The following FOXK1 variants were observed in gnomAD, a reference collection of about 807,000 sequenced individuals.
FOXK1 encodes forkhead box K1, also known as forkhead box protein K1.
Under a neutral mutation model 51.9 loss-of-function variants are expected in FOXK1, and 19 were observed. The observed-to-expected ratio is 0.37, with a 90% CI of 0.26 to 0.54. The LOEUF is 0.54. Ranked by LOEUF, FOXK1 falls within the 20% of genes least tolerant of loss-of-function variation. FOXK1 has a pLI of 0.87. For missense variants in FOXK1, 870 were observed against 1,032.7 expected (o/e 0.84, Z 2.16); for synonymous variants, 537 against 482.6 (o/e 1.11, Z -1.48).
rs1780340115 is a variant in FOXK1 at position 4,723,433 on chromosome 7, C to T, written c.561-17405C>T. Among the ~76,000 whole-genome samples the T allele has an allele frequency of 6.6e-6, 1 of 151,894 alleles. No individual in the cohort carries two copies. The highest frequency in any genetic ancestry group is 2.4e-5 in the African/African-American group (1 of 41,332). Reference sequence around the variant, plus strand: ...CCCAGCTGACTAAATTTGCCTTCTTCCTTCAGGGACCATCTTGGAATAATC... The same window carrying T: ...CCCAGCTGACTAAATTTGCCTTCTTTCTTCAGGGACCATCTTGGAATAATC... On this transcript the variant is annotated intron_variant, in intron 1 of 8. Coordinates refer to ENST00000328914, the MANE Select transcript of FOXK1 (RefSeq NM_001037165.2). This position sits in a 1 kb window ranked among gnomAD's most constrained non-coding sequence, Gnocchi z 4.7.
intron 1 of FOXK1, among the ~76,000 whole-genome samples, chr7:4,705,552 T>TCTCGCTCTCGCTCTCACTCTCG (rs1554249279): frequency 1.4e-5 from 2 of 143,580 alleles, no homozygotes; most frequent in African/African-American, 2.7e-5. Context: ...TCTCTCTCTC[T>TCTCGCTCTCGCTCTCACTCTCG]CTCTCTCGCT....
chr7:4,725,339 C>T (rs770257647), intron 1 of FOXK1, among the ~76,000 whole-genome samples: 9 of 152,242 alleles, frequency 5.9e-5, no homozygotes, highest in Non-Finnish European at 1.0e-4. Context: ...CTTGGTCTGA[C>T]CGGGGGCGCT....
intron 1 of FOXK1, among the ~76,000 whole-genome samples, chr7:4,691,401 C>G (rs914760193): frequency 3.3e-5 from 5 of 152,210 alleles, no homozygotes; most frequent in Admixed American, 6.5e-5. Context: ...GTGGTGCAAT[C>G]TCAGCTCACT....
Position 4,759,066 on chromosome 7 carries a change from G to A in FOXK1, c.1260G>A (p.Ser420=), listed in dbSNP as rs1392590289. The A allele has an allele frequency of 1.9e-6, 3 of 1,601,278 alleles. No homozygotes were observed. The highest frequency in any genetic ancestry group is 1.1e-5 in the South Asian group (1 of 89,920). Residue 420 remains serine (S), a synonymous_variant, in exon 6 of 9, where the codon TCG becomes TCA. Transcript: ENST00000328914. ...TGTCTTCCAGGAGCGCTCCAGCTTC[G>A]CCCACACACCCCGGGCTGATGTCCC... ...GPLSSRSAPA[S]PTHPGLMSPR... is the part of the protein sequence containing the mutation.
At position 4,682,579 on chromosome 7, in the gene FOXK1, G is replaced by A. The variant is rs1779765481; in HGVS notation, c.271G>A (p.Val91Met). 3 of 1,237,962 alleles carry A rather than the reference G, an allele frequency of 2.4e-6. No homozygotes were observed. The South Asian group carries it at 9.6e-5, about 39-fold the overall frequency. 76.7% of individuals were successfully genotyped at this position (1,237,962 alleles called of 1,614,324 possible). A position where few individuals can be genotyped will look rare whatever the true frequency, so the allele number is the denominator to read the frequency against. Residue 91 changes from valine (V) to methionine (M), a missense_variant, in exon 1 of 9, where the codon GTG becomes ATG. Around this residue, in one of 3 missense-constraint regions of FOXK1, gnomAD observed 399 missense variants for 475.6 expected, o/e 0.84. Coordinates refer to ENST00000328914, the MANE Select transcript of FOXK1 (RefSeq NM_001037165.2). The surrounding 1 kb of genome is among the most constrained non-coding windows in gnomAD (Gnocchi z 7.6). ...SAVAGAAPALVAAAAASVRQS... is the reference protein window; with the variant it reads ...SAVAGAAPALMAAAAASVRQS... ...GGTCGCGGGCGCGGCGCCGGCCCTGGTGGCCGCGGCGGCCGCCTCGGTACG... is the reference window on the plus strand; with the variant it reads ...GGTCGCGGGCGCGGCGCCGGCCCTGATGGCCGCGGCGGCCGCCTCGGTACG...
At chr7:4,705,556 TCTCG>T (rs755624560) in intron 1 of FOXK1, among the ~76,000 whole-genome samples, 2,072 of 145,040 alleles carry the variant, frequency 0.014, 11 homozygotes, top group East Asian at 0.035. Context: ...TCTCTCTCTC[TCTCG>T]CTCTCGCTCT....
At chr7:4,684,668 C>T (rs1465058327) in intron 1 of FOXK1, among the ~76,000 whole-genome samples, 2 of 152,142 alleles carry the variant, frequency 1.3e-5, no homozygotes, top group East Asian at 3.8e-4. Context: ...GCTCCCCAGG[C>T]CCCCCTTAGA....
chr7:4,703,992 G>A lies in FOXK1; in HGVS notation c.560+21124G>A, dbSNP rs934645045. Among the ~76,000 whole-genome samples, 52 of 152,112 alleles carry A rather than the reference G, an allele frequency of 3.4e-4. No individual in the cohort carries two copies. Among genetic ancestry groups the A allele is most frequent in the African/African-American group, 1.2e-3 (50 of 41,406 alleles). On this transcript the variant is annotated intron_variant, in intron 1 of 8. Coordinates refer to ENST00000328914, the MANE Select transcript of FOXK1 (RefSeq NM_001037165.2). This position sits in a 1 kb window ranked among gnomAD's most constrained non-coding sequence, Gnocchi z 5.6. The stretch of plus-strand genomic sequence containing the variant: ...CCCTACGTGTGGAAAACTGGCTACC[G>A]CATGCTTAACAAAATAACTTGGGAA...
In FOXK1 at chr7:4,759,096, C is replaced by T; in HGVS notation, c.1290C>T (p.Arg430=). The T allele has an allele frequency of 6.2e-7, 1 of 1,610,956 alleles. No individual in the cohort carries two copies. Among genetic ancestry groups the T allele is most frequent in the South Asian group, 1.1e-5 (1 of 91,044 alleles). The change falls in exon 6 of 9, where the codon CGC becomes CGT. Residue 430 remains arginine, a synonymous_variant. Coordinates refer to ENST00000328914, the MANE Select transcript of FOXK1 (RefSeq NM_001037165.2). ...CACACCCCGGGCTGATGTCCCCTCG[C>T]TCCGGCGGCCTGCAGACCCCAGAGT... ...SPTHPGLMSP[R]SGGLQTPECL... is the part of the protein sequence containing the mutation.
In FOXK1 at chr7:4,762,628, C is replaced by G; in HGVS notation, c.*164C>G. 4.7e-6 allele frequency: 3 copies of G among 643,380 alleles called. No homozygotes were observed. The highest frequency in any genetic ancestry group is 7.9e-6 in the Non-Finnish European group (3 of 378,506). The allele number at this position is 643,380 out of a possible 1,614,324, so 39.9% of individuals were successfully genotyped here. A position where few individuals can be genotyped will look rare whatever the true frequency, so the allele number is the denominator to read the frequency against. ...CCAGCCCTTTCCATTTGATCGCCTG[C>G]CTTCCCGTGGTTTAAGACAAAAACA... On this transcript the variant is annotated 3_prime_UTR_variant, in exon 9 of 9. Transcript: ENST00000328914. This position sits in a 1 kb window ranked among gnomAD's most constrained non-coding sequence, Gnocchi z 5.7.
rs1231078779 is a variant in FOXK1, at chr7:4,745,639, CAGGCCTGTA to C, written c.746+4618_746+4626del. ...TTTACAGGCCAGGCGCCCGGTGGCT[CAGGCCTGTA>C]ATCCCAGCACTTTGGGAGGCTGAGG... On this transcript the variant is annotated intron_variant, in intron 2 of 8. Coordinates refer to ENST00000328914, the MANE Select transcript of FOXK1 (RefSeq NM_001037165.2). This position sits in a 1 kb window ranked among gnomAD's most constrained non-coding sequence, Gnocchi z 4.3. 1.3e-5 allele frequency among the ~76,000 whole-genome samples: 2 copies of C among 152,142 alleles called. No individual in the cohort carries two copies. The highest frequency in any genetic ancestry group is 2.9e-5 in the Non-Finnish European group (2 of 68,038).
rs1780124066 is a variant in FOXK1, at chr7:4,707,835, C to G, written c.560+24967C>G. Among the ~76,000 whole-genome samples the G allele has an allele frequency of 2.6e-5, 4 of 152,090 alleles. No homozygotes were observed. The South Asian group carries it at 8.3e-4, about 32-fold the overall frequency. ...AAGTAGCTGGGATGATAGGGCCCGC[C>G]ACCGTGTCCGGCTAATTTTTGTATT... On this transcript the variant is annotated intron_variant, in intron 1 of 8. Transcript: ENST00000328914. This position sits in a 1 kb window ranked among gnomAD's most constrained non-coding sequence, Gnocchi z 4.1.
chr7:4,737,552 C>CTGTGTGTGTGTGTGTGTGTGTG (rs146678822), intron 1 of FOXK1, among the ~76,000 whole-genome samples: 3 of 148,876 alleles, frequency 2.0e-5, no homozygotes, highest in Admixed American at 6.9e-5. Context: ...GTGTGCGTGC[C>CTGTGTGTGTGTGTGTGTGTGTG]TGTGTGTGTG....
chr7:4,740,887 C>G lies in FOXK1; in HGVS notation c.610C>G (p.Leu204Val). The stretch of plus-strand genomic sequence containing the variant: ...GGCCATCAAGATCCAGTTCACGTCG[C>G]TCTATCACAAAGAAGAGGCCCCAGC... ...STAIKIQFTSLYHKEEAPASP... is the reference protein window; with the variant it reads ...STAIKIQFTSVYHKEEAPASP... Residue 204 changes from leucine to valine, a missense_variant, in exon 2 of 9, where the codon CTC (leucine) becomes GTC (valine). Transcript: ENST00000328914. 1.3e-6 allele frequency: 2 copies of G among 1,595,266 alleles called. No homozygotes were observed. The highest frequency in any genetic ancestry group is 1.7e-6 in the Non-Finnish European group (2 of 1,172,038).
chr7:4,684,775 G>A (rs1161028732), intron 1 of FOXK1, among the ~76,000 whole-genome samples: 2 of 152,198 alleles, frequency 1.3e-5, no homozygotes, highest in Non-Finnish European at 2.9e-5. Context: ...CGTGGAAACA[G>A]GTGCACTCCT....
chr7:4,719,191 A>C (rs924634753), intron 1 of FOXK1, among the ~76,000 whole-genome samples: 9 of 150,418 alleles, frequency 6.0e-5, no homozygotes, highest in African/African-American at 2.2e-4. Flanking sequence ...CTGGAGTGCG[A>C]TGGCACAATC....
In FOXK1 at chr7:4,762,172, C is replaced by T. The variant is rs1417780849; in HGVS notation, c.1922-12C>T. 2.6e-6 allele frequency: 4 copies of T among 1,542,040 alleles called. No individual in the cohort carries two copies. The highest frequency in any genetic ancestry group is 1.4e-5 in the African/African-American group (1 of 72,828). On this transcript the variant is annotated splice_polypyrimidine_tract_variant and intron_variant, in intron 8 of 8. Coordinates refer to ENST00000328914, the MANE Select transcript of FOXK1 (RefSeq NM_001037165.2). This position sits in a 1 kb window ranked among gnomAD's most constrained non-coding sequence, Gnocchi z 5.7. ...CAGACCCCAGAGTAACCCTCTTCTTCCTCCACTCCAGCCCTCACCAGCCCT... is the reference window on the plus strand; with the variant it reads ...CAGACCCCAGAGTAACCCTCTTCTTTCTCCACTCCAGCCCTCACCAGCCCT...
At chr7:4,701,762 G>A (rs1003392344) in intron 1 of FOXK1, among the ~76,000 whole-genome samples, 12 of 152,182 alleles carry the variant, frequency 7.9e-5, no homozygotes, top group African/African-American at 1.7e-4. Context: ...GCATGGTGGC[G>A]GGCGCCTGTA....
chr7:4,717,433 G>C (rs1780249946), intron 1 of FOXK1, among the ~76,000 whole-genome samples: 1 of 147,170 alleles, frequency 6.8e-6, no homozygotes, highest in African/African-American at 2.5e-5. Context: ...GTGGTGGTGG[G>C]AGGTGCATGA....
Sources: allele counts gnomAD v4.1 joint callset (sites outside exome capture counted in the v4.1 genomes callset), GRCh38; gene constraint gnomAD v4.1.1; regional missense constraint gnomAD v4.1.1; non-coding constraint Gnocchi (gnomAD v3.1); transcripts MANE v1.5; gene names NCBI Gene and HGNC (gene_info 2026-07-23, HGNC 2026-07-21).